The following ADAM32 variants were observed in gnomAD, a reference collection of about 807,000 sequenced individuals.
ADAM32 encodes disintegrin and metalloproteinase domain-containing protein 32.
A neutral mutation model predicts 114.9 loss-of-function variants in ADAM32; 89 were observed. The ratio of observed to expected loss-of-function variants is 0.77; its 90% CI spans 0.65 to 0.92. The LOEUF (loss-of-function observed/expected upper bound fraction) is 0.92. ADAM32 is among the 40% of genes least tolerant of loss of function. The probability of loss-of-function intolerance (pLI) is 0.00; values close to 1 mark genes in which losing one functional copy is unlikely to be tolerated. For missense variants in ADAM32, 870 were observed against 932.8 expected (o/e 0.93, Z 0.88); for synonymous variants, 285 against 307.5 (o/e 0.93, Z 0.77).
At chr8:39,137,719 C>T (rs970735663) in intron 3 of ADAM32, among the ~76,000 whole-genome samples, 1 of 149,044 alleles carries the variant, frequency 6.7e-6, no homozygotes, top group African/African-American at 2.5e-5. Flanking sequence ...TGCAGTGAGC[C>T]GAGATGGTGC....
At position 39,151,486 on chromosome 8, in the gene ADAM32, A is replaced by G; in HGVS notation, c.463A>G (p.Ile155Val). 2 of 1,601,092 alleles carry G rather than the reference A, an allele frequency of 1.2e-6. No homozygotes were observed. The highest frequency in any genetic ancestry group is 1.7e-6 in the Non-Finnish European group (2 of 1,176,018). ...KLKNEDNDIA[I>V]FIDRSLKEQP... is the part of the protein sequence containing the mutation. ...AAAGAATGAAGACAATGATATTGCA[A>G]TTTTTATTGACAGAAGCCTGAAAGA... Residue 155 changes from isoleucine to valine, a missense_variant, in exon 6 of 25, where the codon ATT (isoleucine) becomes GTT (valine). Ile to Val is a conservative substitution (Grantham distance 29). Transcript: ENST00000379907.
intron 12 of ADAM32, among the ~76,000 whole-genome samples, chr8:39,219,461 T>G (rs1808803750): frequency 6.6e-6 from 1 of 152,232 alleles, no homozygotes; most frequent in South Asian, 2.1e-4. Flanking sequence ...CCCCTCTGGC[T>G]AGGGCTGGTT....
At chr8:39,218,298 T>C (rs779563895) in intron 12 of ADAM32, among the ~76,000 whole-genome samples, 16 of 152,210 alleles carry the variant, frequency 1.1e-4, no homozygotes, top group Non-Finnish European at 2.4e-4. Context: ...ACCACTTAGA[T>C]TGTGCTGGAT....
chr8:39,160,730 G>A (rs761478105), intron 6 of ADAM32, among the ~76,000 whole-genome samples, 167 bp from the exon 7 acceptor site: 4 of 152,086 alleles, frequency 2.6e-5, no homozygotes, highest in Admixed American at 6.6e-5. Flanking sequence ...AACTACTTGA[G>A]TACATTGCCA....
At chr8:39,235,000 C>G (rs1316849991) in intron 16 of ADAM32, among the ~76,000 whole-genome samples, 9 of 152,094 alleles carry the variant, frequency 5.9e-5, no homozygotes, top group Admixed American at 5.2e-4. Flanking sequence ...TCTCCTTCCC[C>G]CCGCCCCTCT....
At chr8:39,212,197 G>T (rs1451539405) in intron 12 of ADAM32, among the ~76,000 whole-genome samples, 1 of 151,894 alleles carries the variant, frequency 6.6e-6, no homozygotes, top group Non-Finnish European at 1.5e-5. Context: ...TGTATTTTTA[G>T]TAGAGACGGT....
intron 11 of ADAM32, among the ~76,000 whole-genome samples, chr8:39,187,421 G>A (rs995989700): frequency 4.6e-5 from 7 of 152,202 alleles, no homozygotes; most frequent in Non-Finnish European, 8.8e-5. Flanking sequence ...GCAGGCACCC[G>A]CCACCGTGCC....
chr8:39,134,287 G>A (rs1234056789), intron 2 of ADAM32, among the ~76,000 whole-genome samples: 1 of 151,996 alleles, frequency 6.6e-6, no homozygotes, highest in Non-Finnish European at 1.5e-5. Context: ...TGAATTCCCA[G>A]TCTGAAAGAA....
chr8:39,226,003 T>A (rs1809343287), intron 14 of ADAM32, among the ~76,000 whole-genome samples: 1 of 152,156 alleles, frequency 6.6e-6, no homozygotes, highest in African/African-American at 2.4e-5. Context: ...GTTCTAAGGA[T>A]ACTCAGCAAA....
intron 3 of ADAM32, among the ~76,000 whole-genome samples, chr8:39,143,198 C>A (rs915097145): frequency 6.6e-6 from 1 of 152,164 alleles, no homozygotes; most frequent in African/African-American, 2.4e-5. Context: ...CCTTCTGAAG[C>A]CTACTTCTGT....
At chr8:39,178,792 G>C (rs1805670437) in intron 10 of ADAM32, among the ~76,000 whole-genome samples, 1 of 152,118 alleles carries the variant, frequency 6.6e-6, no homozygotes, top group Non-Finnish European at 1.5e-5. Context: ...TCATAGGGCT[G>C]CTGCAGTTTG....
chr8:39,262,191 T>A (rs1812076547), intron 19 of ADAM32, among the ~76,000 whole-genome samples: 1 of 151,898 alleles, frequency 6.6e-6, no homozygotes, highest in Non-Finnish European at 1.5e-5. Context: ...TGTAGGACTT[T>A]GATCCGTTAT....
intron 6 of ADAM32, among the ~76,000 whole-genome samples, chr8:39,156,578 G>T (rs1464027864): frequency 2.0e-5 from 3 of 152,186 alleles, no homozygotes; most frequent in African/African-American, 7.2e-5. Flanking sequence ...TTGTAGGGCA[G>T]TGTATTAGTT....
chr8:39,169,858 ATTCTCATTT>A, intron 9 of ADAM32, 49 bp from the exon 10 acceptor site: 1 of 1,301,280 alleles, frequency 7.7e-7, no homozygotes, highest in Non-Finnish European at 1.1e-6. Flanking sequence ...ATTAGCAGGA[ATTCTCATTT>A]TTAAATTGTC....
chr8:39,263,568 A>G (rs546794814), intron 19 of ADAM32, among the ~76,000 whole-genome samples: 1 of 152,190 alleles, frequency 6.6e-6, no homozygotes, highest in South Asian at 2.1e-4. Flanking sequence ...GGGCTTTTAA[A>G]AACTGGGATA....
At position 39,155,821 on chromosome 8, in the gene ADAM32, CATTT is replaced by C. The variant is rs568948949; in HGVS notation, c.525+4278_525+4281del. On this transcript the variant is annotated intron_variant, in intron 6 of 24. Transcript: ENST00000379907. ...TAGTATGTCATTTTGATTCCCTTCT[CATTT>C]ATTTTTCTTTATGTAATTTTGATTA... Among the ~76,000 whole-genome samples, 53 of 152,086 alleles carry C rather than the reference CATTT, an allele frequency of 3.5e-4. 1 individual carries two copies. In the South Asian group the frequency reaches 0.01, roughly 29 times the overall value.
intron 6 of ADAM32, among the ~76,000 whole-genome samples, 154 bp downstream of exon 6, chr8:39,151,702 C>T (rs1174071831): frequency 1.5e-5 from 2 of 134,322 alleles, no homozygotes; most frequent in Non-Finnish European, 3.1e-5. Context: ...CTCACTCTCT[C>T]ACTCAGGTTG....
chr8:39,201,177 T>G (rs1045014590), intron 11 of ADAM32, among the ~76,000 whole-genome samples: 11 of 152,222 alleles, frequency 7.2e-5, no homozygotes, highest in Non-Finnish European at 1.3e-4. Flanking sequence ...ATTGGTAGCT[T>G]GATGGAGATG....
intron 17 of ADAM32, among the ~76,000 whole-genome samples, chr8:39,252,195 A>G (rs1811350380): frequency 6.6e-6 from 1 of 151,724 alleles, no homozygotes; most frequent in East Asian, 1.9e-4. Context: ...CTGACCACAT[A>G]TTAAGTCACG....
Sources: allele counts gnomAD v4.1 joint callset (sites outside exome capture counted in the v4.1 genomes callset), GRCh38; gene constraint gnomAD v4.1.1; transcripts MANE v1.5; gene names NCBI Gene and HGNC (gene_info 2026-07-23, HGNC 2026-07-21).